PHACTR1: variants seen among roughly 807,000 people sequenced by gnomAD.
The protein encoded by PHACTR1 is RPEL repeat containing 1.
Under a neutral mutation model 69.2 loss-of-function variants are expected in PHACTR1, and 16 were observed. The ratio of observed to expected loss-of-function variants is 0.23; its 90% CI spans 0.16 to 0.35. The LOEUF is 0.35. Among genes scored for constraint, PHACTR1 ranks in the 10% least tolerant of loss-of-function variants. The probability of loss-of-function intolerance (pLI) is 1.00; values close to 1 mark genes in which losing one functional copy is unlikely to be tolerated. For missense variants in PHACTR1, 510 were observed against 734.7 expected (o/e 0.69, Z 3.54); for synonymous variants, 312 against 284.5 (o/e 1.10, Z -0.97).
intron 3 of PHACTR1, among the ~76,000 whole-genome samples, chr6:12,726,647 C>T (rs561221406): frequency 1.1e-4 from 17 of 152,294 alleles, no homozygotes; most frequent in Admixed American, 4.6e-4. Context: ...TTGTCTTCTT[C>T]CTCCATGCCT....
chr6:13,081,847 G>A (rs1374354309), intron 5 of PHACTR1, among the ~76,000 whole-genome samples: 2 of 152,064 alleles, frequency 1.3e-5, no homozygotes, highest in African/African-American at 4.8e-5. Context: ...AAAACAAGAA[G>A]TCAAAGGGAA....
intron 4 of PHACTR1, among the ~76,000 whole-genome samples, chr6:12,792,280 C>A (rs1000137432): frequency 2.0e-5 from 3 of 151,438 alleles, no homozygotes; most frequent in Non-Finnish European, 4.4e-5. Context: ...GCCTGACCAA[C>A]ATGGAGAAAC....
chr6:13,275,511 G>A lies in PHACTR1; in HGVS notation c.1447+2596G>A, dbSNP rs898456022. On this transcript the variant is annotated intron_variant, in intron 11 of 14. Coordinates refer to ENST00000332995, the MANE Select transcript of PHACTR1 (RefSeq NM_030948.6). This position sits in a 1 kb window ranked among gnomAD's most constrained non-coding sequence, Gnocchi z 4.0. ...ATGAAGGCTCCATGCTGTGTCAGCT[G>A]TGTCACAGGATGCCCGCCTTCACGG... is the stretch of plus-strand genomic sequence containing the variant. 1 of 152,038 alleles carries A rather than the reference G, an allele frequency of 6.6e-6. No homozygotes were observed. Among genetic ancestry groups the A allele is most frequent in the African/African-American group, 2.4e-5 (1 of 41,378 alleles). The allele number at this position is 152,038 out of a possible 1,614,324, so 9.4% of individuals were successfully genotyped here.
intron 6 of PHACTR1, among the ~76,000 whole-genome samples, 185 bp from the exon 7 acceptor site, chr6:13,182,334 C>A (rs763503808): frequency 1.1e-4 from 16 of 152,140 alleles, no homozygotes; most frequent in Non-Finnish European, 1.8e-4. Context: ...GAAATTTTTG[C>A]CCTGATGATT....
intron 4 of PHACTR1, among the ~76,000 whole-genome samples, chr6:12,799,030 A>G (rs1210823260): frequency 1.3e-5 from 2 of 151,844 alleles, no homozygotes; most frequent in Non-Finnish European, 2.9e-5. Flanking sequence ...TAGCAAATGA[A>G]AGCATTTCAC....
intron 4 of PHACTR1, among the ~76,000 whole-genome samples, chr6:12,790,099 TA>T (rs1282566192): frequency 6.6e-6 from 1 of 152,130 alleles, no homozygotes; most frequent in Non-Finnish European, 1.5e-5. Context: ...TCTCAACATC[TA>T]TTCTCAAAAC....
At position 12,779,521 on chromosome 6, in the gene PHACTR1, C is replaced by T. The variant is rs189092530; in HGVS notation, c.250+29731C>T. Among the ~76,000 whole-genome samples the T allele has an allele frequency of 1.9e-3, 261 of 137,802 alleles. 6 individuals carry two copies. The East Asian group carries it at 0.04, about 21-fold the overall frequency. 90.4% of individuals were successfully genotyped at this position (137,802 alleles called of 152,430 possible). ...CCCTTGGGAAAATATTCCTGGTGAC[C>T]GCTTCTTAAATAAATAAATAAATAA... On this transcript the variant is annotated intron_variant, in intron 4 of 14. Coordinates refer to ENST00000332995, the MANE Select transcript of PHACTR1 (RefSeq NM_030948.6).
chr6:13,101,030 A>G (rs1428847156), intron 5 of PHACTR1, among the ~76,000 whole-genome samples: 2 of 152,242 alleles, frequency 1.3e-5, no homozygotes, highest in Non-Finnish European at 1.5e-5. Context: ...GAATAGTCCC[A>G]TAAACTTTCA....
At chr6:12,959,900 T>C (rs981054445) in intron 4 of PHACTR1, among the ~76,000 whole-genome samples, 3 of 152,240 alleles carry the variant, frequency 2.0e-5, no homozygotes, top group African/African-American at 7.2e-5. Flanking sequence ...TTTATGTTGC[T>C]TTCAGTGTGA....
At chr6:12,782,050 C>T (rs1770901236) in intron 4 of PHACTR1, among the ~76,000 whole-genome samples, 1 of 152,142 alleles carries the variant, frequency 6.6e-6, no homozygotes. Flanking sequence ...CTCTGTGCTC[C>T]CTCTTGCTCT....
At chr6:12,858,544 G>A (rs72835698) in intron 4 of PHACTR1, among the ~76,000 whole-genome samples, 6,831 of 152,066 alleles carry the variant, frequency 0.045, 191 homozygotes, top group Non-Finnish European at 0.062. Flanking sequence ...TGTAATCCCC[G>A]CACTTTGGAA....
intron 4 of PHACTR1, among the ~76,000 whole-genome samples, chr6:12,966,253 C>G (rs1793476657): frequency 6.6e-6 from 1 of 152,174 alleles, no homozygotes; most frequent in African/African-American, 2.4e-5. Context: ...TGAGCACTCA[C>G]TGTGTTCTAA....
intron 5 of PHACTR1, among the ~76,000 whole-genome samples, chr6:13,159,269 AAG>A (rs944801909): frequency 3.3e-5 from 5 of 152,202 alleles, no homozygotes; most frequent in Non-Finnish European, 7.3e-5. Flanking sequence ...CTTGGAGCCT[AAG>A]AGAAGAAGGC....
intron 5 of PHACTR1, among the ~76,000 whole-genome samples, chr6:13,056,894 G>A (rs940540629): frequency 1.3e-5 from 2 of 152,262 alleles, no homozygotes; most frequent in African/African-American, 4.8e-5. Flanking sequence ...TATTGAGGAT[G>A]GGGAGATTCT....
At chr6:12,824,128 T>C (rs931698611) in intron 4 of PHACTR1, among the ~76,000 whole-genome samples, 2 of 152,158 alleles carry the variant, frequency 1.3e-5, no homozygotes, top group East Asian at 3.8e-4. Flanking sequence ...AGATCAGTGG[T>C]GGCATTAGAT....
At chr6:12,983,528 ATTAT>A (rs535231733) in intron 4 of PHACTR1, among the ~76,000 whole-genome samples, 7 of 152,160 alleles carry the variant, frequency 4.6e-5, no homozygotes, top group Admixed American at 1.3e-4. Flanking sequence ...AGACGTATTT[ATTAT>A]TTATTTATTT....
intron 10 of PHACTR1, chr6:13,253,104 C>T (rs538594811): frequency 1.3e-5 from 6 of 450,834 alleles, no homozygotes; most frequent in East Asian, 1.4e-4. Context: ...CACCCGTCTC[C>T]TGGCTTCTTC....
At chr6:13,035,963 A>G (rs1803239804) in intron 4 of PHACTR1, among the ~76,000 whole-genome samples, 1 of 152,206 alleles carries the variant, frequency 6.6e-6, no homozygotes, top group South Asian at 2.1e-4. Context: ...CATATAGCTA[A>G]TATTAGTGCC....
At chr6:13,193,215 T>C (rs1041859488) in intron 7 of PHACTR1, among the ~76,000 whole-genome samples, 2 of 151,594 alleles carry the variant, frequency 1.3e-5, no homozygotes, top group Non-Finnish European at 2.9e-5. Flanking sequence ...CCTCCAACAG[T>C]GAATAAATAT....
Sources: allele counts gnomAD v4.1 joint callset (sites outside exome capture counted in the v4.1 genomes callset), GRCh38; gene constraint gnomAD v4.1.1; non-coding constraint Gnocchi (gnomAD v3.1); transcripts MANE v1.5; gene names NCBI Gene and HGNC (gene_info 2026-07-23, HGNC 2026-07-21).